CNNM2: variants seen among roughly 807,000 people sequenced by gnomAD.
CNNM2 encodes cyclin and CBS domain divalent metal cation transport mediator 2.
A neutral mutation model predicts 66.9 loss-of-function variants in CNNM2; 12 were observed. The observed-to-expected ratio is 0.18, with a 90% CI of 0.11 to 0.29. The LOEUF is 0.29. CNNM2 is among the 10% of genes least tolerant of loss of function. The pLI, the probability that CNNM2 is intolerant of heterozygous loss-of-function variation, is 1.00. For missense variants in CNNM2, 705 were observed against 1,167.7 expected (o/e 0.60, Z 5.77); for synonymous variants, 557 against 501.8 (o/e 1.11, Z -1.47).
At chr10:103,015,895 G>A (rs886483551) in intron 1 of CNNM2, among the ~76,000 whole-genome samples, 6 of 152,010 alleles carry the variant, frequency 3.9e-5, no homozygotes. Flanking sequence ...TCAGAAAGGT[G>A]CCCCTCTAGG....
chr10:102,978,815 A>G (rs1192840099), intron 1 of CNNM2, among the ~76,000 whole-genome samples: 2 of 152,182 alleles, frequency 1.3e-5, no homozygotes, highest in Non-Finnish European at 2.9e-5. Context: ...TGACTTGTAG[A>G]ACATAGGTCA....
intron 2 of CNNM2, among the ~76,000 whole-genome samples, chr10:103,051,459 C>T (rs2065211820): frequency 6.6e-6 from 1 of 151,394 alleles, no homozygotes; most frequent in African/African-American, 2.4e-5. Context: ...CTGAGAAAGT[C>T]ACTGGGCATG....
chr10:102,983,748 T>C (rs2063753640), intron 1 of CNNM2, among the ~76,000 whole-genome samples: 1 of 148,808 alleles, frequency 6.7e-6, no homozygotes, highest in South Asian at 2.2e-4. Flanking sequence ...GTTTGTTTCA[T>C]TTTACATAGC....
intron 1 of CNNM2, chr10:102,927,387 A>T (rs375840464): frequency 6.2e-7 from 1 of 1,613,742 alleles, no homozygotes; most frequent in Non-Finnish European, 8.5e-7. Context: ...CACTGAAAAG[A>T]AGAGACAATA....
At position 103,049,708 on chromosome 10, in the gene CNNM2, T is replaced by C. The variant is rs1195599773; in HGVS notation, c.1623T>C (p.Gly541=). 1.2e-6 allele frequency: 2 copies of C among 1,612,636 alleles called. No homozygotes were observed. Among genetic ancestry groups the C allele is most frequent in the South Asian group, 2.2e-5 (2 of 90,622 alleles). Residue 541 remains glycine, a splice_region_variant and synonymous_variant, in exon 2 of 8, where the codon GGT becomes GGC. Coordinates refer to ENST00000369878, the MANE Select transcript of CNNM2 (RefSeq NM_017649.5). The stretch of plus-strand genomic sequence containing the variant: ...CTAAACTTTTTCTTGTCTCTAAAGG[T>C]AAATCTCACCTGGCTATCGTGCAGC... The part of the protein sequence containing the change: ...LDAMLEEFKK[G]KSHLAIVQRV...
chr10:102,983,577 C>T (rs923580279), intron 1 of CNNM2, among the ~76,000 whole-genome samples: 3 of 151,578 alleles, frequency 2.0e-5, no homozygotes, highest in South Asian at 2.1e-4. Context: ...TAGCTGGGAT[C>T]GTAGGTGCAC....
intron 1 of CNNM2, among the ~76,000 whole-genome samples, chr10:103,025,263 T>C (rs1381404091): frequency 6.6e-6 from 1 of 152,072 alleles, no homozygotes; most frequent in Non-Finnish European, 1.5e-5. Flanking sequence ...GGCTAATTTT[T>C]GTATTTTAGT....
chr10:103,056,487 C>T (rs889342208), intron 3 of CNNM2, among the ~76,000 whole-genome samples: 11 of 152,170 alleles, frequency 7.2e-5, no homozygotes, highest in Non-Finnish European at 1.2e-4. Flanking sequence ...GGGCATCCCC[C>T]GCACTCAAGG....
chr10:102,927,360 A>G, intron 1 of CNNM2: 1 of 1,614,014 alleles, frequency 6.2e-7, no homozygotes, highest in Non-Finnish European at 8.5e-7. Flanking sequence ...ACAAACAAGA[A>G]ACCCAAATCA....
chr10:102,970,396 C>T (rs539697627), intron 1 of CNNM2, among the ~76,000 whole-genome samples: 1 of 152,260 alleles, frequency 6.6e-6, no homozygotes, highest in Admixed American at 6.5e-5. Context: ...TACAGCCATG[C>T]CTATTCATTT....
chr10:103,069,778 C>T (rs1274441437), intron 5 of CNNM2, among the ~76,000 whole-genome samples: 1 of 152,188 alleles, frequency 6.6e-6, no homozygotes, highest in Non-Finnish European at 1.5e-5. Flanking sequence ...TCGGGCAGGT[C>T]GACAGAGATG....
At chr10:102,980,562 C>T (rs2063704529) in intron 1 of CNNM2, among the ~76,000 whole-genome samples, 1 of 152,104 alleles carries the variant, frequency 6.6e-6, no homozygotes, top group Non-Finnish European at 1.5e-5. Flanking sequence ...AGGTGCCATG[C>T]CCAACCCAGT....
intron 1 of CNNM2, among the ~76,000 whole-genome samples, chr10:102,989,858 G>A (rs903562507): frequency 2.0e-5 from 3 of 151,952 alleles, no homozygotes; most frequent in Non-Finnish European, 4.4e-5. Context: ...TTTAACTATA[G>A]GGCTTCTAGT....
intron 1 of CNNM2, among the ~76,000 whole-genome samples, chr10:103,018,438 A>G (rs995450264): frequency 8.5e-5 from 13 of 152,210 alleles, no homozygotes; most frequent in Admixed American, 7.9e-4. Context: ...CAGAATTCAG[A>G]GGAATGATCT....
In CNNM2 at chr10:102,920,076, C is replaced by T. The variant is rs1845562746; in HGVS notation, c.1596C>T (p.Asp532=). 2 of 1,614,180 alleles carry T rather than the reference C, an allele frequency of 1.2e-6. No individual in the cohort carries two copies. Among genetic ancestry groups the T allele is most frequent in the East Asian group, 2.2e-5 (1 of 44,886 alleles). ...LHFVFNDTKL[D]AMLEEFKKGK... is the part of the protein sequence containing the mutation. ...TTGTTTTCAATGACACCAAGTTGGA[C>T]GCTATGCTGGAAGAATTTAAGAAAG... Residue 532 remains aspartate (D), a synonymous_variant, in exon 1 of 8, where the codon GAC becomes GAT. Transcript: ENST00000369878.
chr10:103,070,350 G>C (rs1325134206), intron 5 of CNNM2, among the ~76,000 whole-genome samples: 1 of 152,178 alleles, frequency 6.6e-6, no homozygotes, highest in Non-Finnish European at 1.5e-5. Context: ...TCCTTGTTAA[G>C]AGGATATAAT....
At chr10:103,012,977 G>A (rs2064374906) in intron 1 of CNNM2, among the ~76,000 whole-genome samples, 1 of 152,054 alleles carries the variant, frequency 6.6e-6, no homozygotes. Context: ...AGCCTTTTTA[G>A]GCAGTTTTTT....
At chr10:102,983,641 A>G (rs981783539) in intron 1 of CNNM2, among the ~76,000 whole-genome samples, 4 of 151,760 alleles carry the variant, frequency 2.6e-5, no homozygotes, top group Non-Finnish European at 4.4e-5. Flanking sequence ...GGGTCTTTCT[A>G]TGTTGCCCAG....
rs1303558382 is a variant in CNNM2 at position 102,919,011 on chromosome 10, C to A, written c.531C>A (p.Ile177=). 1 of 1,612,796 alleles carries A rather than the reference C, an allele frequency of 6.2e-7. No individual in the cohort carries two copies. Among genetic ancestry groups the A allele is most frequent in the Admixed American group, 1.7e-5 (1 of 60,006 alleles). ...CCTCGGGCATCATCGAGATCGAGAT[C>A]AAACCGCTACGCAAGATGGAGAAGA... ...RRTSGIIEIE[I]KPLRKMEKSK... The change falls in exon 1 of 8, where the codon ATC becomes ATA. Residue 177 remains isoleucine, a synonymous_variant. Coordinates refer to ENST00000369878, the MANE Select transcript of CNNM2 (RefSeq NM_017649.5).
Sources: gnomAD v4.1 joint callset for allele counts (sites outside exome capture counted in the v4.1 genomes callset) on GRCh38, gnomAD v4.1.1 for gene constraint, MANE v1.5 for transcripts, NCBI Gene and HGNC (gene_info 2026-07-23, HGNC 2026-07-21) for gene names.